FOXP2: variants seen among roughly 807,000 people sequenced by gnomAD.
FOXP2 encodes the protein forkhead box protein P2.
Under a neutral mutation model 115.8 loss-of-function variants are expected in FOXP2, and 12 were observed. The observed-to-expected ratio is 0.10, with a 90% CI of 0.07 to 0.17. FOXP2 has a LOEUF of 0.17. FOXP2 is among the 10% of genes least tolerant of loss of function. The pLI, the probability that FOXP2 is intolerant of heterozygous loss-of-function variation, is 1.00. For synonymous variants in FOXP2, 328 were observed against 297.7 expected (o/e 1.10, Z -1.05); for missense variants, 629 against 843.5 (o/e 0.75, Z 3.15).
At chr7:114,384,468 T>G (rs1168493642) in intron 2 of FOXP2, among the ~76,000 whole-genome samples, 8 of 152,176 alleles carry the variant, frequency 5.3e-5, no homozygotes, top group African/African-American at 1.7e-4. Flanking sequence ...AGGCAATTTT[T>G]TAACTCTGCT....
chr7:114,567,893 C>T (rs1290821265), intron 3 of FOXP2, among the ~76,000 whole-genome samples: 1 of 152,058 alleles, frequency 6.6e-6, no homozygotes, highest in Non-Finnish European at 1.5e-5. Flanking sequence ...TTCAACCAAA[C>T]CTGTTGGCAA....
chr7:114,086,997 GTGTT>G (rs1799434270), upstream of FOXP2, among the ~76,000 whole-genome samples: 1 of 152,190 alleles, frequency 6.6e-6, no homozygotes, highest in African/African-American at 2.4e-5. Context: ...CACCAGATGT[GTGTT>G]TGTTTACTCT....
intron 8 of FOXP2, 78 bp downstream of exon 8, chr7:114,644,867 A>T: frequency 9.0e-7 from 1 of 1,111,672 alleles, no homozygotes; most frequent in Non-Finnish European, 1.3e-6. Context: ...AAATAAACAA[A>T]AGATGAAGGA....
upstream of FOXP2, among the ~76,000 whole-genome samples, chr7:114,087,103 G>T (rs924403085): frequency 1.3e-5 from 2 of 151,934 alleles, no homozygotes; most frequent in Non-Finnish European, 2.9e-5. Context: ...AACATCTGGC[G>T]GTTAGAAGCA....
intron 2 of FOXP2, among the ~76,000 whole-genome samples, chr7:114,515,423 G>A (rs1482308015): frequency 2.0e-5 from 3 of 151,534 alleles, no homozygotes; most frequent in African/African-American, 7.2e-5. Context: ...ACTGGTGTGA[G>A]ATGGTATCTT....
intron 3 of FOXP2, among the ~76,000 whole-genome samples, chr7:114,606,053 G>A (rs1447157284): frequency 6.6e-6 from 1 of 152,164 alleles, no homozygotes; most frequent in Non-Finnish European, 1.5e-5. Context: ...TGACCAAGAA[G>A]GCGTTGGACT....
At chr7:114,280,977 A>C (rs567810737) in intron 1 of FOXP2, among the ~76,000 whole-genome samples, 41 of 152,272 alleles carry the variant, frequency 2.7e-4, no homozygotes, top group African/African-American at 9.6e-4. Flanking sequence ...CCTTAAGCAT[A>C]GTCAACACTT....
At chr7:114,589,780 C>A (rs1011640574) in intron 3 of FOXP2, among the ~76,000 whole-genome samples, 1 of 152,068 alleles carries the variant, frequency 6.6e-6, no homozygotes, top group Non-Finnish European at 1.5e-5. Flanking sequence ...CTTTATGTTC[C>A]CTGGGAAGTA....
At chr7:114,439,896 T>G (rs1794525871) in intron 2 of FOXP2, among the ~76,000 whole-genome samples, 2 of 152,156 alleles carry the variant, frequency 1.3e-5, no homozygotes, top group African/African-American at 4.8e-5. Context: ...AAATATTATT[T>G]TGTAATAGGA....
chr7:114,179,112 C>G (rs1793390999), intron 1 of FOXP2, among the ~76,000 whole-genome samples: 1 of 151,816 alleles, frequency 6.6e-6, no homozygotes, highest in Admixed American at 6.6e-5. Flanking sequence ...GTACAAAGGA[C>G]AATTTTGGTT....
chr7:114,141,578 C>T (rs1330506676), intron 1 of FOXP2, among the ~76,000 whole-genome samples: 3 of 152,206 alleles, frequency 2.0e-5, no homozygotes, highest in Non-Finnish European at 4.4e-5. Context: ...ATGCTGATCC[C>T]TTCCACCCTC....
At chr7:114,411,051 T>C (rs1793150339), upstream of FOXP2, among the ~76,000 whole-genome samples, 1 of 152,230 alleles carries the variant, frequency 6.6e-6, no homozygotes, top group East Asian at 1.9e-4. Flanking sequence ...ATAAAATGCA[T>C]ACATAAATGG....
At chr7:114,437,557 A>G (rs1340515805) in intron 2 of FOXP2, among the ~76,000 whole-genome samples, 3 of 152,198 alleles carry the variant, frequency 2.0e-5, no homozygotes, top group East Asian at 3.9e-4. Flanking sequence ...TCACAAGACT[A>G]TTGTGAGGAG....
At chr7:114,534,523 C>G (rs1409090978) in intron 2 of FOXP2, 94 bp from the exon 3 acceptor site, 1 of 1,013,936 alleles carries the variant, frequency 9.9e-7, no homozygotes, top group East Asian at 2.4e-5. Flanking sequence ...TATGGGAGTT[C>G]TTGTACATTG....
chr7:114,334,756 A>G (rs1369728766), intron 2 of FOXP2, among the ~76,000 whole-genome samples: 2 of 151,368 alleles, frequency 1.3e-5, no homozygotes, highest in Non-Finnish European at 3.0e-5. Context: ...ATTTTTGTCA[A>G]TTAAGATAAT....
intron 3 of FOXP2, among the ~76,000 whole-genome samples, chr7:114,591,288 C>A (rs796408759): frequency 2.0e-5 from 3 of 152,180 alleles, no homozygotes; most frequent in African/African-American, 7.2e-5. Context: ...TACTCTTTTA[C>A]TGTAACACAG....
intron 2 of FOXP2, among the ~76,000 whole-genome samples, chr7:114,490,133 G>A (rs1411957688): frequency 6.6e-6 from 1 of 152,198 alleles, no homozygotes; most frequent in South Asian, 2.1e-4. Context: ...GTTTATAGTA[G>A]GGTTAATTAT....
chr7:114,404,470 G>A (rs932421530), intron 2 of FOXP2, among the ~76,000 whole-genome samples: 1 of 151,956 alleles, frequency 6.6e-6, no homozygotes, highest in African/African-American at 2.4e-5. Context: ...TATATATGAA[G>A]ATCTAAAGTC....
At chr7:114,622,918 C>T (rs182370145) in intron 3 of FOXP2, among the ~76,000 whole-genome samples, 1 of 151,880 alleles carries the variant, frequency 6.6e-6, no homozygotes, top group Non-Finnish European at 1.5e-5. Flanking sequence ...GGGAATGGAT[C>T]TAGCTCACTA....
Sources: gnomAD v4.1 joint callset for allele counts (sites outside exome capture counted in the v4.1 genomes callset) on GRCh38, gnomAD v4.1.1 for gene constraint, MANE v1.5 for transcripts, NCBI Gene and HGNC (gene_info 2026-07-23, HGNC 2026-07-21) for gene names.